NOTCH1: variants seen among roughly 807,000 people sequenced by gnomAD.
NOTCH1 encodes notch receptor 1, also known as neurogenic locus notch homolog protein 1.
A neutral mutation model predicts 254.8 loss-of-function variants in NOTCH1; 37 were observed. That is an observed-to-expected ratio of 0.15 (90% CI 0.11 to 0.19). The LOEUF (loss-of-function observed/expected upper bound fraction) is 0.19. NOTCH1 is among the 10% of genes least tolerant of loss of function. NOTCH1 has a pLI of 1.00. For missense variants in NOTCH1, 2,972 were observed against 3,708.6 expected (o/e 0.80, Z 5.16); for synonymous variants, 1,731 against 1,618.1 (o/e 1.07, Z -1.68).
At position 136,496,588 on chromosome 9, in the gene NOTCH1, T is replaced by A; in HGVS notation, c.7151A>T (p.Gln2384Leu). 2 of 1,612,738 alleles carry A rather than the reference T, an allele frequency of 1.2e-6. No individual in the cohort carries two copies. Among genetic ancestry groups the A allele is most frequent in the Non-Finnish European group, 1.7e-6 (2 of 1,179,986 alleles). Residue 2384 changes from glutamine to leucine, a missense_variant, in exon 34 of 34, where the codon CAG becomes CTG. By Grantham distance (113) the Gln-to-Leu change is moderately radical. Around this residue, in one of 8 missense-constraint regions of NOTCH1, gnomAD observed 529 missense variants for 529.2 expected, o/e 1.00. Transcript: ENST00000651671. The part of the protein sequence containing the change: ...ATQPHLVQTQ[Q>L]VQPQNLQMQQ... ...CATCTGTAAGTTTTGTGGCTGCACC[T>A]GCTGGGTCTGCACCAGGTGAGGCTG...
intron 18 of NOTCH1, 108 bp downstream of exon 18, chr9:136,509,625 T>C (rs938932958): frequency 1.0e-6 from 1 of 971,966 alleles, no homozygotes; most frequent in Non-Finnish European, 1.6e-6. Context: ...CAGCGCTAAG[T>C]GCCCAGCCGG....
Position 136,513,595 on chromosome 9 carries a change from G to A in NOTCH1, c.2208-58C>T. 6.3e-7 allele frequency: 1 copy of A among 1,595,566 alleles called. No individual in the cohort carries two copies. ...GGCCCGAGCAGCACGGCCGGGGCCT[G>A]GGCACTCCCGGGTCTGCAATGCCCT... On this transcript the variant is annotated intron_variant, in intron 13 of 33. Transcript: ENST00000651671. This position sits in a 1 kb window ranked among gnomAD's most constrained non-coding sequence, Gnocchi z 4.7.
intron 2 of NOTCH1, among the ~76,000 whole-genome samples, chr9:136,532,007 A>G (rs1318138970): frequency 1.3e-5 from 2 of 152,158 alleles, no homozygotes; most frequent in African/African-American, 2.4e-5. Flanking sequence ...ATACTGGCCC[A>G]CTGTGCCCCT....
chr9:136,545,183 G>C lies in NOTCH1; in HGVS notation c.61+543C>G, dbSNP rs1392956703. 6.6e-6 allele frequency among the ~76,000 whole-genome samples: 1 copy of C among 151,850 alleles called. No homozygotes were observed. The highest frequency in any genetic ancestry group is 1.5e-5 in the Non-Finnish European group (1 of 67,916). On this transcript the variant is annotated intron_variant, in intron 1 of 33. Transcript: ENST00000651671. The surrounding 1 kb of genome is among the most constrained non-coding windows in gnomAD (Gnocchi z 6.8). ...CCCAAACTGAGAGCCGGGCTGGGGG[G>C]CACCGGCGGGCGGGGCGACCGGGAG...
rs1843218085 is a variant in NOTCH1, at chr9:136,513,629, G to A, written c.2208-92C>T. 7 of 1,445,188 alleles carry A rather than the reference G, an allele frequency of 4.8e-6. No homozygotes were observed. The highest frequency in any genetic ancestry group is 5.7e-6 in the Non-Finnish European group (6 of 1,047,974). 89.5% of individuals were successfully genotyped at this position (1,445,188 alleles called of 1,614,324 possible). On this transcript the variant is annotated intron_variant, in intron 13 of 33. Transcript: ENST00000651671. The surrounding 1 kb of genome is among the most constrained non-coding windows in gnomAD (Gnocchi z 4.7). ...CGGGTCTGCAATGCCCTATGGGCTG[G>A]CGGAGGTGCCCATCCACTCAGACTC...
At position 136,514,501 on chromosome 9, in the gene NOTCH1, G is replaced by A. The variant is rs751315476; in HGVS notation, c.2207+9C>T. 29 of 1,563,938 alleles carry A rather than the reference G, an allele frequency of 1.9e-5. No homozygotes were observed. The highest frequency in any genetic ancestry group is 1.7e-4 in the Middle Eastern group (1 of 6,020). On this transcript the variant is annotated intron_variant, in intron 13 of 33. Transcript: ENST00000651671. ...CTGATGTGTCCCCATGATCGGCCCC[G>A]CCGCATACCCGTTGAGGCTGTCCCG... is the stretch of plus-strand genomic sequence containing the variant.
Position 136,519,558 on chromosome 9 carries a change from G to T in NOTCH1, c.750C>A (p.Thr250=), listed in dbSNP as rs375772590. The T allele has an allele frequency of 1.7e-4, 275 of 1,612,814 alleles. 1 individual carries two copies. The Middle Eastern group carries it at 3.0e-3, about 17-fold the overall frequency. ...CGATATTTTCCTCACAGTTCTGGCC[G>T]GTGAAGCCTGCCGCAAGAGGGGCCG... is the stretch of plus-strand genomic sequence containing the variant. The part of the protein sequence containing the change: ...THECACLPGF[T]GQNCEENIDD... The change falls in exon 5 of 34, where the codon ACC becomes ACA. Residue 250 remains threonine (T), a synonymous_variant. Coordinates refer to ENST00000651671, the MANE Select transcript of NOTCH1 (RefSeq NM_017617.5).
intron 15 of NOTCH1, among the ~76,000 whole-genome samples, chr9:136,511,743 C>T (rs1302843124): frequency 1.3e-5 from 2 of 152,242 alleles, no homozygotes; most frequent in Non-Finnish European, 2.9e-5. Flanking sequence ...AGGCAGCAAA[C>T]GCCCATCACG....
chr9:136,545,837 C>T lies in NOTCH1; in HGVS notation c.-51G>A. 4.7e-6 allele frequency: 5 copies of T among 1,069,378 alleles called. No homozygotes were observed. The highest frequency in any genetic ancestry group is 5.9e-6 in the Non-Finnish European group (5 of 852,884). 66.2% of individuals were successfully genotyped at this position (1,069,378 alleles called of 1,614,324 possible). A position where few individuals can be genotyped will look rare whatever the true frequency, so the allele number is the denominator to read the frequency against. ...CCCGGGCGGCGGCCTCCTGCGCTGG[C>T]CGGCGGGGCTGGGACGCACACGCGC... On this transcript the variant is annotated 5_prime_UTR_variant, in exon 1 of 34. Transcript: ENST00000651671. This position sits in a 1 kb window ranked among gnomAD's most constrained non-coding sequence, Gnocchi z 6.8.
chr9:136,534,261 TG>T (rs1843607398), intron 2 of NOTCH1, among the ~76,000 whole-genome samples: 1 of 152,192 alleles, frequency 6.6e-6, no homozygotes, highest in African/African-American at 2.4e-5. Flanking sequence ...TGGAAGAGTT[TG>T]TTCAGCAAAT....
intron 18 of NOTCH1, among the ~76,000 whole-genome samples, chr9:136,509,300 A>C (rs1294936231): frequency 6.6e-6 from 1 of 152,192 alleles, no homozygotes; most frequent in Non-Finnish European, 1.5e-5. Context: ...TCAGGTCGAG[A>C]GTGGTTTTAC....
At position 136,495,638 on chromosome 9, in the gene NOTCH1, C is replaced by T. The variant is rs1842903769; in HGVS notation, c.*433G>A. Reference sequence around the variant, plus strand: ...GGGAAAGGGCGCGGCCTGGACGCCCCAGGAGCTTTTTGGACTATGCTCGTT... The same window carrying T: ...GGGAAAGGGCGCGGCCTGGACGCCCTAGGAGCTTTTTGGACTATGCTCGTT... On this transcript the variant is annotated 3_prime_UTR_variant, in exon 34 of 34. Coordinates refer to ENST00000651671, the MANE Select transcript of NOTCH1 (RefSeq NM_017617.5). 2.5e-6 allele frequency: 1 copy of T among 403,430 alleles called. No homozygotes were observed. The highest frequency in any genetic ancestry group is 4.3e-5 in the Admixed American group (1 of 23,414). The allele number at this position is 403,430 out of a possible 1,614,324, so 25.0% of individuals were successfully genotyped here.
chr9:136,500,428 C>T (rs1842977162), intron 31 of NOTCH1, 124 bp downstream of exon 31: 1 of 1,203,782 alleles, frequency 8.3e-7, no homozygotes, highest in African/African-American at 1.5e-5. Flanking sequence ...GTGGAGGCAC[C>T]AGTTGTCCCG....
chr9:136,508,801 C>G, intron 19 of NOTCH1, 69 bp downstream of exon 19: 1 of 1,448,672 alleles, frequency 6.9e-7, no homozygotes, highest in Non-Finnish European at 9.3e-7. Flanking sequence ...GGTGACCGTT[C>G]CCACCTCCCG....
chr9:136,498,854 G>C (rs1842954738), intron 33 of NOTCH1, 45 bp downstream of exon 33: 2 of 1,602,712 alleles, frequency 1.2e-6, no homozygotes, highest in African/African-American at 2.7e-5. Flanking sequence ...CTTCTCTGTG[G>C]ATTCAGCCCT....
chr9:136,498,667 G>A (rs772930473), intron 33 of NOTCH1, among the ~76,000 whole-genome samples: 5 of 152,324 alleles, frequency 3.3e-5, no homozygotes, highest in Middle Eastern at 3.4e-3. Flanking sequence ...GCGAGCCGCC[G>A]TGTCCTGACA....
chr9:136,533,283 C>CG (rs1843590006), intron 2 of NOTCH1, among the ~76,000 whole-genome samples: 1 of 45,540 alleles, frequency 2.2e-5, no homozygotes, highest in African/African-American at 1.2e-4. Context: ...GCCCAGCCCC[C>CG]TCCGCGCACC....
In NOTCH1 at chr9:136,507,420, G is replaced by A. The variant is rs202133782; in HGVS notation, c.3528C>T (p.His1176=). 188 of 1,608,490 alleles carry A rather than the reference G, an allele frequency of 1.2e-4. No individual in the cohort carries two copies. In the East Asian group the frequency reaches 2.3e-3, roughly 20 times the overall value. Residue 1176 remains histidine, a synonymous_variant, in exon 22 of 34, where the codon CAC becomes CAT. Coordinates refer to ENST00000651671, the MANE Select transcript of NOTCH1 (RefSeq NM_017617.5). Reference sequence around the variant, plus strand: ...CGATCTCCTCAGAGCAGTTCACCCCGTGGTAGCCGGCCACGCACTGTGCAG... The same window carrying A: ...CGATCTCCTCAGAGCAGTTCACCCCATGGTAGCCGGCCACGCACTGTGCAG... ...GYSCKCVAGY[H]GVNCSEEIDE...
intron 2 of NOTCH1, 127 bp downstream of exon 2, chr9:136,543,897 G>A: frequency 2.3e-6 from 2 of 885,340 alleles, no homozygotes; most frequent in Non-Finnish European, 3.7e-6. Flanking sequence ...AAGTCAGCAC[G>A]TGACCGTGCC....
Sources: gnomAD v4.1 joint callset for allele counts (sites outside exome capture counted in the v4.1 genomes callset) on GRCh38, gnomAD v4.1.1 for gene constraint, gnomAD v4.1.1 regional missense constraint, Gnocchi (gnomAD v3.1) non-coding constraint, MANE v1.5 for transcripts, NCBI Gene and HGNC (gene_info 2026-07-23, HGNC 2026-07-21) for gene names.